The following PHF24 variants were observed in gnomAD, a reference collection of about 807,000 sequenced individuals.
PHF24 encodes Galpha inhibitory interacting protein.
In PHF24, 25 loss-of-function variants were observed where a neutral mutation model predicts 42.6. The ratio of observed to expected loss-of-function variants is 0.59; its 90% CI spans 0.43 to 0.82. The LOEUF is 0.82. Among genes scored for constraint, PHF24 ranks in the 40% least tolerant of loss-of-function variants. The pLI is 0.00. For synonymous variants in PHF24, 185 were observed against 204.8 expected, an observed-to-expected ratio of 0.90 and a Z score of 0.83; for missense variants, 470 against 538.1, an observed-to-expected ratio of 0.87 and a Z score of 1.25.
At chr9:34,963,030 AG>A (rs1179313901) in intron 1 of PHF24, among the ~76,000 whole-genome samples, 2 of 152,186 alleles carry the variant, frequency 1.3e-5, no homozygotes, top group Non-Finnish European at 1.5e-5. Flanking sequence ...GGCTGAATGA[AG>A]AGAGGTGGGG....
chr9:34,698,812 C>T, the PHF24 span, among the ~76,000 whole-genome samples: 17 of 152,272 alleles, frequency 1.1e-4, no homozygotes, highest in East Asian at 3.9e-4. Flanking sequence ...CTCCAGGCTC[C>T]GGGGAAAGTT....
At chr9:34,836,870 C>T in the PHF24 span, among the ~76,000 whole-genome samples, 1 of 152,158 alleles carries the variant, frequency 6.6e-6, no homozygotes, top group Admixed American at 6.5e-5. Context: ...TGTGACCCTG[C>T]CCCAAATCAG....
chr9:34,955,497 C>T (rs1302450883), upstream of PHF24, among the ~76,000 whole-genome samples: 1 of 152,016 alleles, frequency 6.6e-6, no homozygotes, highest in Admixed American at 6.6e-5. Context: ...GCCAACATGG[C>T]GAAACCCCGT....
At chr9:34,874,655 A>G in the PHF24 span, among the ~76,000 whole-genome samples, 26 of 152,280 alleles carry the variant, frequency 1.7e-4, no homozygotes, top group African/African-American at 2.6e-4. Flanking sequence ...ACCATAAACA[A>G]TGCTCCAACA....
the PHF24 span, chr9:34,709,483 T>C: frequency 6.2e-7 from 1 of 1,613,778 alleles, no homozygotes; most frequent in Non-Finnish European, 8.5e-7. Flanking sequence ...TTTACCCACA[T>C]CCCTCAGATT....
chr9:34,889,924 C>T, the PHF24 span, among the ~76,000 whole-genome samples: 206 of 152,250 alleles, frequency 1.4e-3, no homozygotes, highest in Middle Eastern at 3.4e-3. Flanking sequence ...TGAGGTTATT[C>T]GGCTTACTCT....
At chr9:34,804,214 A>G in the PHF24 span, among the ~76,000 whole-genome samples, 1 of 152,232 alleles carries the variant, frequency 6.6e-6, no homozygotes, top group Non-Finnish European at 1.5e-5. Flanking sequence ...GGTTTCTGTC[A>G]TGAAAGAGAG....
chr9:34,835,735 G>A, the PHF24 span: 67 of 1,550,994 alleles, frequency 4.3e-5, no homozygotes, highest in South Asian at 4.5e-4. Flanking sequence ...ATCTGCATAC[G>A]TTGACTGGGC....
At chr9:34,767,325 T>A in the PHF24 span, among the ~76,000 whole-genome samples, 4 of 152,236 alleles carry the variant, frequency 2.6e-5, no homozygotes, top group African/African-American at 9.6e-5. Context: ...CACAGAGGCA[T>A]GCAGGCCTCC....
chr9:34,836,067 A>G, the PHF24 span: 1 of 571,258 alleles, frequency 1.8e-6, no homozygotes, highest in Admixed American at 2.2e-5. Context: ...AAAGAGAAAC[A>G]TGGCAAACAT....
At chr9:34,832,602 G>T in the PHF24 span, 8 of 1,542,918 alleles carry the variant, frequency 5.2e-6, no homozygotes, top group Non-Finnish European at 7.0e-6. Context: ...AGAGAACATG[G>T]AATCCTTGTG....
At chr9:34,811,862 T>A in the PHF24 span, among the ~76,000 whole-genome samples, 1 of 152,004 alleles carries the variant, frequency 6.6e-6, no homozygotes, top group Non-Finnish European at 1.5e-5. Flanking sequence ...AGACAGCCCA[T>A]GGAATAGGAG....
the PHF24 span, among the ~76,000 whole-genome samples, chr9:34,812,401 A>T: frequency 2.0e-5 from 3 of 152,236 alleles, no homozygotes; most frequent in Admixed American, 6.5e-5. Context: ...AAAAAGTTAA[A>T]AAGAATCTCT....
the PHF24 span, among the ~76,000 whole-genome samples, chr9:34,705,498 T>C: frequency 4.5e-3 from 692 of 152,256 alleles, 7 homozygotes; most frequent in African/African-American, 0.016. Context: ...GTTGCCCAGG[T>C]TGGTCTCAAA....
the PHF24 span, among the ~76,000 whole-genome samples, chr9:34,672,086 A>G: frequency 7.9e-5 from 12 of 152,228 alleles, no homozygotes; most frequent in Non-Finnish European, 1.0e-4. Context: ...TCTCATGACA[A>G]ATCTATGAAG....
chr9:34,706,780 G>A, the PHF24 span, among the ~76,000 whole-genome samples: 39 of 152,104 alleles, frequency 2.6e-4, no homozygotes, highest in Non-Finnish European at 4.4e-4. Flanking sequence ...TGGGAGTGAT[G>A]TCCTGATGTC....
At chr9:34,963,816 AGATGTGAT>A (rs1188523441) in intron 1 of PHF24, among the ~76,000 whole-genome samples, 2 of 152,192 alleles carry the variant, frequency 1.3e-5, no homozygotes, top group African/African-American at 4.8e-5. Context: ...GAAGTAGAGT[AGATGTGAT>A]GATGTGAGCT....
the PHF24 span, among the ~76,000 whole-genome samples, chr9:34,916,842 T>C: frequency 1.3e-5 from 2 of 152,208 alleles, no homozygotes; most frequent in Admixed American, 6.5e-5. Context: ...TTACACACTA[T>C]GCAACTTAAA....
the PHF24 span, among the ~76,000 whole-genome samples, chr9:34,701,934 T>C: frequency 6.6e-6 from 1 of 152,138 alleles, no homozygotes; most frequent in Non-Finnish European, 1.5e-5. This position sits in a 1 kb window ranked among gnomAD's most constrained non-coding sequence, Gnocchi z 5.8. Flanking sequence ...ATAATTACTG[T>C]TTGGCTTAAA....
Sources: allele counts gnomAD v4.1 joint callset (sites outside exome capture counted in the v4.1 genomes callset), GRCh38; gene constraint gnomAD v4.1.1; non-coding constraint Gnocchi (gnomAD v3.1); transcripts MANE v1.5; gene names NCBI Gene and HGNC (gene_info 2026-07-23, HGNC 2026-07-21).